The following TPRG1 variants were observed in gnomAD, a reference collection of about 807,000 sequenced individuals.
TPRG1 encodes tumor protein p63 regulated 1, also known as tumor protein p63-regulated gene 1 protein.
A neutral mutation model predicts 29.3 loss-of-function variants in TPRG1; 29 were observed. The observed-to-expected ratio is 0.99, with a 90% confidence interval of 0.74 to 1.35. The LOEUF is 1.35. Ranked by LOEUF, TPRG1 falls within the 40% of genes most tolerant of loss-of-function variation. The pLI is 0.00. For missense variants in TPRG1, 327 were observed against 335.0 expected (o/e 0.98, Z 0.19); for synonymous variants, 130 against 116.8 (o/e 1.11, Z -0.73).
chr3:189,075,354 C>G (rs746810555), intron 4 of TPRG1, among the ~76,000 whole-genome samples: 1 of 152,048 alleles, frequency 6.6e-6, no homozygotes. Context: ...AGGCTGTTCT[C>G]GAACTCCTGA....
intron 3 of TPRG1, among the ~76,000 whole-genome samples, chr3:189,017,599 T>C (rs1713019687): frequency 6.6e-6 from 1 of 152,212 alleles, no homozygotes; most frequent in Non-Finnish European, 1.5e-5. Context: ...ATGGTGTATA[T>C]GTGCCACATT....
intron 1 of TPRG1, among the ~76,000 whole-genome samples, chr3:189,173,608 G>A (rs116853436): frequency 1.1e-4 from 16 of 152,004 alleles, no homozygotes; most frequent in African/African-American, 3.4e-4. Context: ...TGAAGAAATC[G>A]TTTAATTGAT....
At chr3:189,051,426 C>T (rs909477601) in intron 4 of TPRG1, among the ~76,000 whole-genome samples, 1 of 152,126 alleles carries the variant, frequency 6.6e-6, no homozygotes, top group African/African-American at 2.4e-5. Context: ...CTACGAAACA[C>T]TGCTGAAAGA....
At chr3:189,098,731 C>T (rs540453746), upstream of TPRG1, among the ~76,000 whole-genome samples, 2 of 152,156 alleles carry the variant, frequency 1.3e-5, no homozygotes, top group Non-Finnish European at 2.9e-5. Context: ...AAGTAGAGCC[C>T]GCATTCTGAT....
intron 1 of TPRG1, among the ~76,000 whole-genome samples, chr3:189,193,132 A>ATTTTTTTTTTTTTTTTT (rs555964454): frequency 1.1e-5 from 1 of 90,268 alleles, no homozygotes; most frequent in Admixed American, 1.3e-4. Flanking sequence ...TTGACTTTTA[A>ATTTTTTTTTTTTTTTTT]TTTTTTTTTT....
chr3:189,124,285 A>G (rs1722170138), intron 1 of TPRG1, among the ~76,000 whole-genome samples: 1 of 152,130 alleles, frequency 6.6e-6, no homozygotes, highest in Non-Finnish European at 1.5e-5. Context: ...GCAATAAAAC[A>G]TAGTGGCTTA....
chr3:189,247,294 A>C (rs551619689), intron 4 of TPRG1, among the ~76,000 whole-genome samples: 30 of 151,990 alleles, frequency 2.0e-4, no homozygotes, highest in African/African-American at 7.0e-4. Flanking sequence ...TTTTTCTTTT[A>C]AAATATCCAT....
chr3:189,183,568 G>A (rs1189978813), intron 1 of TPRG1, among the ~76,000 whole-genome samples: 1 of 151,800 alleles, frequency 6.6e-6, no homozygotes, highest in East Asian at 1.9e-4. Context: ...CATAGAAGAC[G>A]ACCACACCCA....
chr3:189,040,656 G>C (rs1714573799), intron 4 of TPRG1, among the ~76,000 whole-genome samples: 1 of 151,978 alleles, frequency 6.6e-6, no homozygotes, highest in South Asian at 2.1e-4. Context: ...TTCTGCAATG[G>C]AAAAAACCCC....
At chr3:189,309,741 T>G (rs1218043370) in intron 4 of TPRG1, among the ~76,000 whole-genome samples, 1 of 152,196 alleles carries the variant, frequency 6.6e-6, no homozygotes, top group Non-Finnish European at 1.5e-5. Context: ...AGTGGCTTCC[T>G]CCCACATCTT....
At chr3:189,100,904 T>C (rs1719121574) in intron 1 of TPRG1, among the ~76,000 whole-genome samples, 1 of 152,214 alleles carries the variant, frequency 6.6e-6, no homozygotes, top group Non-Finnish European at 1.5e-5. Context: ...AAATATTAGC[T>C]TGGAGGCATC....
intron 4 of TPRG1, among the ~76,000 whole-genome samples, chr3:189,048,808 A>G (rs2152138236): frequency 6.6e-6 from 1 of 152,246 alleles, no homozygotes; most frequent in Middle Eastern, 3.4e-3. Flanking sequence ...CACTCCAAAT[A>G]CTGTGAGTGC....
At chr3:189,120,192 C>A (rs1721666730) in intron 1 of TPRG1, 1 of 152,166 alleles carries the variant, frequency 6.6e-6, no homozygotes. Context: ...TGTTTGCAAT[C>A]CAGTGCTTAA....
chr3:189,144,322 C>G (rs1166604962), intron 3 of TPRG1, among the ~76,000 whole-genome samples: 1 of 152,152 alleles, frequency 6.6e-6, no homozygotes, highest in Non-Finnish European at 1.5e-5. Flanking sequence ...TTTGTTCCTG[C>G]AATTTCAAGG....
intron 4 of TPRG1, among the ~76,000 whole-genome samples, chr3:189,065,819 T>C (rs1187318683): frequency 2.0e-5 from 3 of 150,934 alleles, no homozygotes; most frequent in Admixed American, 6.6e-5. Context: ...TGCAGTAAGC[T>C]AAGAAAAAAA....
intron 4 of TPRG1, among the ~76,000 whole-genome samples, chr3:189,287,365 G>C (rs371128437): frequency 1.3e-5 from 2 of 151,798 alleles, no homozygotes; most frequent in East Asian, 3.9e-4. Context: ...AAGAAAAAAA[G>C]GTTGCACACA....
intron 1 of TPRG1, among the ~76,000 whole-genome samples, chr3:189,182,133 G>A (rs1204498261): frequency 6.6e-6 from 1 of 152,116 alleles, no homozygotes; most frequent in African/African-American, 2.4e-5. Context: ...ATGAGATTTG[G>A]GTGGAGACAC....
rs562874819 is a variant in TPRG1 at position 189,297,691 on chromosome 3, T to A, written c.480-12695T>A. ...CTCTGAGTGTCTGAAAACCTAAAAC[T>A]TTTTACCTGATGGCCCTACCTCTGC... On this transcript the variant is annotated intron_variant, in intron 4 of 5. Coordinates refer to ENST00000345063, the MANE Select transcript of TPRG1 (RefSeq NM_198485.4). Among the ~76,000 whole-genome samples the A allele has an allele frequency of 9.6e-4, 146 of 152,302 alleles. 1 individual carries two copies. Among genetic ancestry groups the A allele is most frequent in the Non-Finnish European group, 1.7e-3 (115 of 68,022 alleles).
chr3:189,194,597 A>G (rs534083186), intron 1 of TPRG1, among the ~76,000 whole-genome samples: 113 of 152,238 alleles, frequency 7.4e-4, no homozygotes, highest in African/African-American at 2.7e-3. Flanking sequence ...GATTCTACCC[A>G]TGGGTGGGAG....
Sources: allele counts gnomAD v4.1 joint callset (sites outside exome capture counted in the v4.1 genomes callset), GRCh38; gene constraint gnomAD v4.1.1; transcripts MANE v1.5; gene names NCBI Gene and HGNC (gene_info 2026-07-23, HGNC 2026-07-21).